DPP4: variants seen among roughly 807,000 people sequenced by gnomAD.
DPP4 encodes the protein dipeptidyl peptidase 4.
Under a neutral mutation model 122.4 loss-of-function variants are expected in DPP4, and 93 were observed. The ratio of observed to expected loss-of-function variants is 0.76; its 90% confidence interval spans 0.64 to 0.90. DPP4 has a LOEUF of 0.90. Ranked by LOEUF, DPP4 falls within the 40% of genes least tolerant of loss-of-function variation. DPP4 has a pLI of 0.00. For synonymous variants in DPP4, 321 were observed against 302.9 expected (o/e 1.06, Z -0.62); for missense variants, 914 against 907.3 (o/e 1.01, Z -0.09).
At chr2:162,020,327 A>G in intron 13 of DPP4, 31 bp from the exon 14 acceptor site, 1 of 1,481,734 alleles carries the variant, frequency 6.7e-7, no homozygotes, top group Non-Finnish European at 9.2e-7. Flanking sequence ...TCAAAAAAAA[A>G]AAAAAGATTG....
chr2:162,009,910 G>C (rs1576037582), intron 20 of DPP4, among the ~76,000 whole-genome samples: 1 of 151,920 alleles, frequency 6.6e-6, no homozygotes, highest in Admixed American at 6.6e-5. Context: ...ATGGAATCCA[G>C]GTAAAGAAAT....
At chr2:162,067,703 G>A (rs999231371) in intron 2 of DPP4, among the ~76,000 whole-genome samples, 1 of 152,120 alleles carries the variant, frequency 6.6e-6, no homozygotes, top group Non-Finnish European at 1.5e-5. Flanking sequence ...CATGGTTTCA[G>A]GTTACTCTCA....
At chr2:162,063,787 G>C (rs1684862333) in intron 2 of DPP4, among the ~76,000 whole-genome samples, 1 of 152,168 alleles carries the variant, frequency 6.6e-6, no homozygotes, top group Admixed American at 6.5e-5. Flanking sequence ...GTGGTAAAGA[G>C]AGCAGAGAAA....
intron 10 of DPP4, among the ~76,000 whole-genome samples, chr2:162,032,825 G>A (rs1400559820): frequency 6.6e-6 from 1 of 152,166 alleles, no homozygotes; most frequent in Admixed American, 6.5e-5. Context: ...AATAAACAAG[G>A]GGCTGAAGGT....
chr2:162,074,155 G>A lies in DPP4; in HGVS notation c.-174C>T. Reference sequence around the variant, plus strand: ...AGCGCCGAGCCCGCTGGGTATAAAGGCGCCGCGGGCAGGCTGCAGGGCAGG... The same window carrying A: ...AGCGCCGAGCCCGCTGGGTATAAAGACGCCGCGGGCAGGCTGCAGGGCAGG... On this transcript the variant is annotated 5_prime_UTR_variant, in exon 1 of 26. Coordinates refer to ENST00000360534, the MANE Select transcript of DPP4 (RefSeq NM_001935.4). The A allele has an allele frequency of 7.5e-7, 1 of 1,328,830 alleles. No homozygotes were observed. 82.3% of individuals were successfully genotyped at this position (1,328,830 alleles called of 1,614,324 possible). A position where few individuals can be genotyped will look rare whatever the true frequency, so the allele number is the denominator to read the frequency against.
At chr2:162,009,140 G>T in intron 21 of DPP4, 101 bp downstream of exon 21, 2 of 1,233,540 alleles carry the variant, frequency 1.6e-6, no homozygotes, top group Non-Finnish European at 2.4e-6. Flanking sequence ...CTTGATAGAT[G>T]TGATTTTCAC....
At chr2:162,057,069 T>C (rs75062246) in intron 2 of DPP4, among the ~76,000 whole-genome samples, 21,727 of 150,946 alleles carry the variant, frequency 0.14, 2,184 homozygotes, top group East Asian at 0.25. Context: ...ACAGCACCCA[T>C]TCCCTAGGTC....
chr2:162,071,838 G>A (rs993055919), intron 2 of DPP4, among the ~76,000 whole-genome samples: 14 of 152,184 alleles, frequency 9.2e-5, no homozygotes, highest in Non-Finnish European at 1.6e-4. Context: ...ACTGCAGCAA[G>A]CCTCAGATCC....
chr2:162,072,776 A>G (rs574508664), intron 2 of DPP4, among the ~76,000 whole-genome samples: 1 of 152,210 alleles, frequency 6.6e-6, no homozygotes, highest in African/African-American at 2.4e-5. Flanking sequence ...CCACCAAAAC[A>G]TCACTGATTC....
chr2:162,034,877 C>G (rs1683711460), intron 9 of DPP4, among the ~76,000 whole-genome samples: 1 of 152,154 alleles, frequency 6.6e-6, no homozygotes, highest in South Asian at 2.1e-4. Flanking sequence ...CTCTTTTCCT[C>G]CATTCAAGCA....
chr2:162,007,789 T>A (rs1306401699), intron 22 of DPP4, among the ~76,000 whole-genome samples: 1 of 152,184 alleles, frequency 6.6e-6, no homozygotes, highest in African/African-American at 2.4e-5. Context: ...TATTTTTACA[T>A]TGGTTTATCT....
intron 2 of DPP4, among the ~76,000 whole-genome samples, chr2:162,050,012 A>G (rs1214913293): frequency 2.0e-5 from 3 of 152,118 alleles, no homozygotes; most frequent in Non-Finnish European, 2.9e-5. Flanking sequence ...TGTGTTTGCT[A>G]GTAGAAATAT....
At position 162,038,303 on chromosome 2, in the gene DPP4, T is replaced by C; in HGVS notation, c.612A>G (p.Glu204=). 1.3e-6 allele frequency: 2 copies of C among 1,556,444 alleles called. No homozygotes were observed. Among genetic ancestry groups the C allele is most frequent in the Non-Finnish European group, 8.6e-7 (1 of 1,157,526 alleles). The change falls in exon 8 of 26, where the codon GAA becomes GAG. Residue 204 remains glutamate, a splice_region_variant and synonymous_variant. Coordinates refer to ENST00000360534, the MANE Select transcript of DPP4 (RefSeq NM_001935.4). ...IYNGITDWVY[E]EEVFSAYSAL... is the part of the protein sequence containing the mutation. ...TTGAAAAAGCTTTAAAGTTTCTACC[T>C]TCATAAACCCAGTCAGTTATTCCAT...
chr2:162,032,223 C>T (rs570501123), intron 10 of DPP4: 8 of 152,282 alleles, frequency 5.3e-5, no homozygotes, highest in South Asian at 4.1e-4. Context: ...AATATAGATT[C>T]GTACTTGGTC....
At chr2:162,042,280 A>G (rs1043998122) in intron 5 of DPP4, among the ~76,000 whole-genome samples, 1 of 152,226 alleles carries the variant, frequency 6.6e-6, no homozygotes, top group Non-Finnish European at 1.5e-5. Context: ...GGGTTCTGGA[A>G]CATTGTCAAC....
At chr2:162,073,882 C>T in intron 1 of DPP4, 94 bp downstream of exon 1, 1 of 1,547,492 alleles carries the variant, frequency 6.5e-7, no homozygotes, top group Non-Finnish European at 8.8e-7. Flanking sequence ...AGGGGAGTCC[C>T]TGGTCCGGTT....
At chr2:162,055,249 C>A (rs1247879449) in intron 2 of DPP4, among the ~76,000 whole-genome samples, 2 of 152,218 alleles carry the variant, frequency 1.3e-5, no homozygotes, top group Non-Finnish European at 2.9e-5. Context: ...CATCCATAGC[C>A]TCCATATTGG....
chr2:162,014,493 A>G, intron 18 of DPP4, 28 bp from the exon 19 acceptor site: 1 of 1,543,224 alleles, frequency 6.5e-7, no homozygotes, highest in Non-Finnish European at 8.9e-7. Flanking sequence ...TTAATTAGTG[A>G]GGTAAGAAAA....
At chr2:162,048,433 C>T (rs1684262698) in intron 2 of DPP4, among the ~76,000 whole-genome samples, 1 of 152,102 alleles carries the variant, frequency 6.6e-6, no homozygotes, top group Non-Finnish European at 1.5e-5. Flanking sequence ...GATCCCTTCG[C>T]CAAAAGTTTT....
Sources: allele counts gnomAD v4.1 joint callset (sites outside exome capture counted in the v4.1 genomes callset), GRCh38; gene constraint gnomAD v4.1.1; transcripts MANE v1.5; gene names NCBI Gene and HGNC (gene_info 2026-07-23, HGNC 2026-07-21).